Variants in WASHC2A observed in about 807,000 individuals in gnomAD.
The protein encoded by WASHC2A is WASH complex subunit 2A, also known as WASH complex subunit FAM21A.
In WASHC2A, 82 loss-of-function variants were observed where a neutral mutation model predicts 140.3. That is an observed-to-expected ratio of 0.58 (90% CI 0.49 to 0.70). The LOEUF (loss-of-function observed/expected upper bound fraction) is 0.70, where lower values mean the gene tolerates loss of function less well. Ranked by LOEUF, WASHC2A falls within the 30% of genes least tolerant of loss-of-function variation. WASHC2A has a pLI of 0.00. For synonymous variants in WASHC2A, 340 were observed against 560.8 expected (o/e 0.61, Z 5.56); for missense variants, 985 against 1,521.8 (o/e 0.65, Z 5.87).
intron 29 of WASHC2A, among the ~76,000 whole-genome samples, chr10:50,130,497 G>T (rs1035755691): frequency 2.6e-5 from 4 of 152,014 alleles, no homozygotes; most frequent in Non-Finnish European, 4.4e-5. Context: ...AGCACCTGGG[G>T]ACTGCAGGCA....
At position 50,090,780 on chromosome 10, in the gene WASHC2A, C is replaced by T. The variant is rs1247129202; in HGVS notation, c.737C>T (p.Thr246Ile). 9 of 1,610,458 alleles carry T rather than the reference C, an allele frequency of 5.6e-6. No homozygotes were observed. In the African/African-American group the frequency reaches 8.1e-5, roughly 14 times the overall value. ...TTTGGTATTTTATACTCTTAGCACA[C>T]CACACAAATGAGTGATGAGGAAGAG... ...HHSDNEQNRH[T>I]TQMSDEEEDD... The change falls in exon 9 of 31, where the codon ACC (threonine) becomes ATC (isoleucine). Residue 246 changes from threonine to isoleucine, a missense_variant. By Grantham distance (89) the Thr-to-Ile change is moderately conservative. Coordinates refer to ENST00000282633, the MANE Select transcript of WASHC2A (RefSeq NM_001005751.3).
intron 3 of WASHC2A, among the ~76,000 whole-genome samples, chr10:50,075,068 G>A (rs1838188424): frequency 6.6e-6 from 1 of 152,016 alleles, no homozygotes; most frequent in Non-Finnish European, 1.5e-5. Flanking sequence ...GTGTGTGTGT[G>A]TGTATTTACA....
At chr10:50,093,966 T>A (rs1554883846) in intron 13 of WASHC2A, 49 bp downstream of exon 13, 1 of 1,560,044 alleles carries the variant, frequency 6.4e-7, no homozygotes, top group Admixed American at 1.7e-5. Flanking sequence ...GTTCCAAAAC[T>A]GTCTTTCTCA....
chr10:50,102,509 G>T (rs1229041090), intron 17 of WASHC2A, among the ~76,000 whole-genome samples: 1 of 151,960 alleles, frequency 6.6e-6, no homozygotes, highest in African/African-American at 2.4e-5. Context: ...CATGCAGGAG[G>T]GACACGGGAT....
intron 30 of WASHC2A, among the ~76,000 whole-genome samples, 163 bp from the exon 31 acceptor site, chr10:50,132,643 C>T (rs1844082961): frequency 6.6e-6 from 1 of 152,174 alleles, no homozygotes; most frequent in Non-Finnish European, 1.5e-5. Context: ...TAATGAGTAA[C>T]AAACACAGAA....
intron 20 of WASHC2A, among the ~76,000 whole-genome samples, chr10:50,112,687 G>C (rs1341328333): frequency 6.6e-6 from 1 of 151,228 alleles, no homozygotes; most frequent in East Asian, 1.9e-4. Context: ...TAAACAAAAT[G>C]TATAACCATA....
intron 2 of WASHC2A, 24 bp from the exon 3 acceptor site, chr10:50,069,523 C>T (rs59797297): frequency 0.15 from 241,520 of 1,606,960 alleles, 19,453 homozygotes; most frequent in Middle Eastern, 0.22. Context: ...ATTGATACTA[C>T]TGTATGTTTA....
chr10:50,088,202 T>C (rs1232413886), intron 8 of WASHC2A, among the ~76,000 whole-genome samples: 6 of 149,390 alleles, frequency 4.0e-5, no homozygotes, highest in Admixed American at 2.7e-4. Flanking sequence ...TCATAGTCTC[T>C]AAATGTATAA....
At chr10:50,115,867 A>G (rs1460124207) in intron 21 of WASHC2A, among the ~76,000 whole-genome samples, 1 of 151,924 alleles carries the variant, frequency 6.6e-6, no homozygotes, top group Admixed American at 6.6e-5. Flanking sequence ...TGTAATCCCA[A>G]CACTTTGGGA....
In WASHC2A at chr10:50,126,355, A is replaced by G. The variant is rs2133074434; in HGVS notation, c.2811+176A>G. On this transcript the variant is annotated intron_variant, in intron 26 of 30. Coordinates refer to ENST00000282633, the MANE Select transcript of WASHC2A (RefSeq NM_001005751.3). ...AAGTCATCTCCCCTCTCCTCGCTCC[A>G]CACGCCAGAGTTTCATGAATCTATA... 3.8e-6 allele frequency: 4 copies of G among 1,064,788 alleles called. No individual in the cohort carries two copies. The East Asian group carries it at 7.3e-5, about 19-fold the overall frequency. The allele number at this position is 1,064,788 out of a possible 1,614,324, so 66.0% of individuals were successfully genotyped here.
chr10:50,129,777 A>C lies in WASHC2A; in HGVS notation c.3446A>C (p.Lys1149Thr). The change falls in exon 29 of 31, where the codon AAA becomes ACA. Residue 1149 changes from lysine (K) to threonine (T), a missense_variant. Coordinates refer to ENST00000282633, the MANE Select transcript of WASHC2A (RefSeq NM_001005751.3). Reference sequence around the variant, plus strand: ...GGATCTCAGTCTGTGGAGAGAACAAAACCCAAGGCAAAGATAGCAGAGAAT... The same window carrying C: ...GGATCTCAGTCTGTGGAGAGAACAACACCCAAGGCAAAGATAGCAGAGAAT... Reference protein sequence around the residue: ...GTGSQSVERTKPKAKIAENPA... With the variant: ...GTGSQSVERTTPKAKIAENPA... 1 of 1,612,026 alleles carries C rather than the reference A, an allele frequency of 6.2e-7. No individual in the cohort carries two copies. Among genetic ancestry groups the C allele is most frequent in the Non-Finnish European group, 8.5e-7 (1 of 1,179,870 alleles).
intron 4 of WASHC2A, among the ~76,000 whole-genome samples, chr10:50,079,985 T>A (rs1485051294): frequency 1.3e-5 from 2 of 150,802 alleles, no homozygotes; most frequent in African/African-American, 4.9e-5. Flanking sequence ...TAGGGTTTTT[T>A]TTTTGCCTTT....
At chr10:50,084,554 C>T (rs1839219466) in intron 6 of WASHC2A, among the ~76,000 whole-genome samples, 1 of 150,258 alleles carries the variant, frequency 6.7e-6, no homozygotes, top group South Asian at 2.2e-4. Flanking sequence ...CCTCAGCCTC[C>T]TGAGTAGCTG....
chr10:50,127,243 T>C (rs1843514265), intron 27 of WASHC2A, 21 bp downstream of exon 27: 2 of 1,612,046 alleles, frequency 1.2e-6, no homozygotes, highest in African/African-American at 1.3e-5. Context: ...CACTGGAATC[T>C]TCATTGCCTG....
intron 12 of WASHC2A, 43 bp downstream of exon 12, chr10:50,093,429 G>A (rs1840126852): frequency 1.0e-5 from 10 of 974,492 alleles, no homozygotes; most frequent in Non-Finnish European, 1.4e-5. Flanking sequence ...AGCTAGCTGT[G>A]TCAGGGGTCC....
chr10:50,093,440 A>T lies in WASHC2A; in HGVS notation c.1122+54A>T, dbSNP rs1298399732. The T allele has an allele frequency of 1.6e-5, 14 of 857,934 alleles. 1 individual carries two copies. In the African/African-American group the frequency reaches 2.5e-4, roughly 15 times the overall value. The allele number at this position is 857,934 out of a possible 1,614,324, so 53.1% of individuals were successfully genotyped here. ...CTGCAGCTAGCTGTGTCAGGGGTCC[A>T]CAGGGAAGATATAGGCTTTGCTTGT... On this transcript the variant is annotated intron_variant, in intron 12 of 30. Transcript: ENST00000282633.
At chr10:50,130,723 G>A (rs1843888291) in intron 29 of WASHC2A, among the ~76,000 whole-genome samples, 178 bp from the exon 30 acceptor site, 1 of 152,238 alleles carries the variant, frequency 6.6e-6, no homozygotes, top group Non-Finnish European at 1.5e-5. Flanking sequence ...GAGCCGGGGT[G>A]AGATGGGCGG....
Position 50,106,367 on chromosome 10 carries a change from C to G in WASHC2A, c.1771C>G (p.Gln591Glu). Residue 591 changes from glutamine to glutamate, a missense_variant, in exon 19 of 31, where the codon CAG (glutamine) becomes GAG (glutamate). Physicochemically the swap from Gln to Glu is conservative, Grantham distance 29. Coordinates refer to ENST00000282633, the MANE Select transcript of WASHC2A (RefSeq NM_001005751.3). ...NLFGGTAAKK[Q>E]TLCLQAQREE... The stretch of plus-strand genomic sequence containing the variant: ...TTTTGGGGGTACAGCTGCTAAGAAG[C>G]AGACATTGTGTCTACAAGCTCAGAG... 1 of 1,611,964 alleles carries G rather than the reference C, an allele frequency of 6.2e-7. No homozygotes were observed. The highest frequency in any genetic ancestry group is 8.5e-7 in the Non-Finnish European group (1 of 1,179,850).
In WASHC2A at chr10:50,133,460, C is replaced by A. The variant is rs1302991989; in HGVS notation, c.*515C>A. 2.1e-6 allele frequency: 1 copy of A among 469,806 alleles called. No homozygotes were observed. Among genetic ancestry groups the A allele is most frequent in the African/African-American group, 2.0e-5 (1 of 50,006 alleles). The allele number at this position is 469,806 out of a possible 1,614,324, so 29.1% of individuals were successfully genotyped here. ...AAGGCAAAGTTTGGCAAACTGTGGC[C>A]CCCCCACTGTCATATTTTGTTAATA... On this transcript the variant is annotated 3_prime_UTR_variant, in exon 31 of 31. Transcript: ENST00000282633.
Sources: allele counts gnomAD v4.1 joint callset (sites outside exome capture counted in the v4.1 genomes callset), GRCh38; gene constraint gnomAD v4.1.1; transcripts MANE v1.5; gene names NCBI Gene and HGNC (gene_info 2026-07-23, HGNC 2026-07-21).